OPHN1: variants seen among roughly 807,000 people sequenced by gnomAD.
OPHN1 encodes the protein oligophrenin 1.
Under a neutral mutation model 60.7 loss-of-function variants are expected in OPHN1, and 11 were observed. The ratio of observed to expected loss-of-function variants is 0.18; its 90% CI spans 0.11 to 0.30. The LOEUF (loss-of-function observed/expected upper bound fraction) is 0.30. OPHN1 is among the 10% of genes least tolerant of loss of function. OPHN1 has a pLI of 1.00. For synonymous variants in OPHN1, 226 were observed against 222.6 expected, an observed-to-expected ratio of 1.02 and a Z score of -0.14; for missense variants, 449 against 611.0, an observed-to-expected ratio of 0.73 and a Z score of 2.80.
chrX:68,276,483 A>G (rs2077992313), intron 4 of OPHN1, among the ~76,000 whole-genome samples: 1 of 110,776 alleles, frequency 9.0e-6, no homozygotes, highest in African/African-American at 3.3e-5. Flanking sequence ...TTATGGTATC[A>G]AAAAAAAATT....
chrX:68,084,401 G>A (rs748099698), intron 19 of OPHN1, among the ~76,000 whole-genome samples: 2 of 85,621 alleles, frequency 2.3e-5, no homozygotes, highest in South Asian at 2.0e-3. Flanking sequence ...GGGAGAGAGA[G>A]TGAAAGAGGG....
chrX:68,139,174 C>T (rs761154356), intron 15 of OPHN1, among the ~76,000 whole-genome samples: 2 of 111,232 alleles, frequency 1.8e-5, no homozygotes, highest in South Asian at 7.5e-4. Context: ...AAAAGAGGCT[C>T]GAGACTTAAC....
intron 23 of OPHN1, among the ~76,000 whole-genome samples, chrX:68,049,238 C>A (rs1163684787): frequency 9.0e-6 from 1 of 111,545 alleles, no homozygotes; most frequent in African/African-American, 3.3e-5. Flanking sequence ...TTGCAGTTAC[C>A]CACTGAACAT....
intron 5 of OPHN1, among the ~76,000 whole-genome samples, chrX:68,262,756 C>T (rs1038278022): frequency 1.8e-5 from 2 of 111,527 alleles, no homozygotes; most frequent in Non-Finnish European, 3.8e-5. Flanking sequence ...CATTGCACTC[C>T]AGCCTGGGCA....
In OPHN1 at chrX:68,069,760, G is replaced by C. The variant is rs769092867; in HGVS notation, c.1834+3392C>G. 4.5e-5 allele frequency among the ~76,000 whole-genome samples: 5 copies of C among 110,970 alleles called. No individual in the cohort carries two copies. The East Asian group carries it at 1.4e-3, about 32-fold the overall frequency. On this transcript the variant is annotated intron_variant, in intron 20 of 24. Transcript: ENST00000355520. The stretch of plus-strand genomic sequence containing the variant: ...TAGAATGTTAAGAAAAGGTCTCTAT[G>C]AGAAGAAAGCATTTAGTAGACACCT...
At chrX:68,051,196 A>G (rs1161815565) in intron 23 of OPHN1, among the ~76,000 whole-genome samples, 1 of 111,170 alleles carries the variant, frequency 9.0e-6, no homozygotes, top group Non-Finnish European at 1.9e-5. Flanking sequence ...CACCTAGAAG[A>G]GTTCTGCTCC....
intron 2 of OPHN1, among the ~76,000 whole-genome samples, chrX:68,362,722 A>G (rs2078479349): frequency 9.0e-6 from 1 of 111,223 alleles, no homozygotes. Context: ...TGGTGGATAC[A>G]TGTCACTACG....
chrX:68,104,682 T>C (rs1209637474), intron 18 of OPHN1, among the ~76,000 whole-genome samples: 1 of 112,096 alleles, frequency 8.9e-6, no homozygotes, highest in African/African-American at 3.2e-5. Flanking sequence ...AAGACTTAAA[T>C]GTAAGACGTA....
chrX:68,125,945 A>ATATATATG (rs1471354783), intron 15 of OPHN1, among the ~76,000 whole-genome samples: 1 of 66,133 alleles, frequency 1.5e-5, no homozygotes, highest in Non-Finnish European at 2.8e-5. Flanking sequence ...ATATATATAT[A>ATATATATG]TATATATATA....
At chrX:68,195,071 A>C (rs57245406) in intron 12 of OPHN1, among the ~76,000 whole-genome samples, 1 of 90,591 alleles carries the variant, frequency 1.1e-5, no homozygotes, top group African/African-American at 5.6e-5. Flanking sequence ...AGGAAGAAAG[A>C]AAGAAAATAC....
chrX:68,256,790 G>A (rs1213552647), intron 5 of OPHN1, among the ~76,000 whole-genome samples: 3 of 111,390 alleles, frequency 2.7e-5, no homozygotes, highest in Non-Finnish European at 5.7e-5. Flanking sequence ...CCAGCACTTT[G>A]GGAGGCCGAG....
intron 15 of OPHN1, among the ~76,000 whole-genome samples, chrX:68,187,536 C>A (rs1384159244): frequency 9.1e-6 from 1 of 109,445 alleles, no homozygotes; most frequent in Non-Finnish European, 1.9e-5. Flanking sequence ...GCCTTGCTGA[C>A]ACCTTGATTT....
chrX:68,336,752 A>C (rs962015073), intron 2 of OPHN1, among the ~76,000 whole-genome samples: 1 of 109,365 alleles, frequency 9.1e-6, no homozygotes, highest in Non-Finnish European at 1.9e-5. Flanking sequence ...ACAGAAGTGG[A>C]TTAAAGCAAA....
chrX:68,349,884 G>T (rs748902257), intron 2 of OPHN1, among the ~76,000 whole-genome samples: 1 of 106,843 alleles, frequency 9.4e-6, no homozygotes, highest in African/African-American at 3.4e-5. Context: ...ACAAGGAGGG[G>T]AACATCACAC....
At chrX:68,365,897 A>T (rs1214724486) in intron 2 of OPHN1, among the ~76,000 whole-genome samples, 1 of 104,880 alleles carries the variant, frequency 9.5e-6, no homozygotes, top group Admixed American at 1.1e-4. Context: ...ATGGCAAGAG[A>T]GTGACATCTG....
chrX:68,261,444 G>T (rs2077892962), intron 5 of OPHN1, among the ~76,000 whole-genome samples: 1 of 111,631 alleles, frequency 9.0e-6, no homozygotes, highest in Non-Finnish European at 1.9e-5. Flanking sequence ...ACTAAGACTT[G>T]CTTGTCCTCC....
At chrX:68,095,358 T>A (rs1230383173) in intron 19 of OPHN1, among the ~76,000 whole-genome samples, 1 of 112,116 alleles carries the variant, frequency 8.9e-6, no homozygotes, top group Non-Finnish European at 1.9e-5. Context: ...GTTTCCATAT[T>A]GTCTATGGCT....
chrX:68,048,483 T>C (rs375120744), intron 23 of OPHN1, 26 bp from the exon 24 acceptor site: 20 of 1,196,939 alleles, frequency 1.7e-5, no homozygotes, highest in Non-Finnish European at 2.2e-5. Flanking sequence ...GACGTTTCAC[T>C]AAGATTCTAG....
rs184315953 is a variant in OPHN1 at position 68,137,401 on chromosome X, T to C, written c.1277-18069A>G. On this transcript the variant is annotated intron_variant, in intron 15 of 24. Coordinates refer to ENST00000355520, the MANE Select transcript of OPHN1 (RefSeq NM_002547.3). The stretch of plus-strand genomic sequence containing the variant: ...GAAAACCTGAAAAAACAATGACTTC[T>C]ATCTCGAAATCAAGTATTTCTGGCC... Among the ~76,000 whole-genome samples, 3 of 112,118 alleles carry C rather than the reference T, an allele frequency of 2.7e-5. No homozygotes were observed. In the East Asian group the frequency reaches 8.4e-4, roughly 31 times the overall value.
Sources: gnomAD v4.1 joint callset for allele counts (sites outside exome capture counted in the v4.1 genomes callset) on GRCh38, gnomAD v4.1.1 for gene constraint, MANE v1.5 for transcripts, NCBI Gene and HGNC (gene_info 2026-07-23, HGNC 2026-07-21) for gene names.